The following PPP2R2B variants were observed in gnomAD, a reference collection of about 807,000 sequenced individuals.
PPP2R2B encodes the protein protein phosphatase 2 regulatory subunit Bbeta, also known as serine/threonine-protein phosphatase 2A 55 kDa regulatory subunit B beta isoform.
Under a neutral mutation model 46.0 loss-of-function variants are expected in PPP2R2B, and 5 were observed. That is an observed-to-expected ratio of 0.11 (90% CI 0.06 to 0.23). The LOEUF is 0.23. PPP2R2B is among the 10% of genes least tolerant of loss of function. The pLI, the probability that PPP2R2B is intolerant of heterozygous loss-of-function variation, is 1.00. For missense variants in PPP2R2B, 367 were observed against 575.0 expected, an observed-to-expected ratio of 0.64 and a Z score of 3.70; for synonymous variants, 215 against 206.7, an observed-to-expected ratio of 1.04 and a Z score of -0.34.
chr5:146,828,014 AGAG>A (rs1480649499), intron 2 of PPP2R2B, among the ~76,000 whole-genome samples: 1 of 151,946 alleles, frequency 6.6e-6, no homozygotes. Flanking sequence ...AGAGAGAGAG[AGAG>A]AGAGAGACAG....
At chr5:146,906,657 T>C (rs927984995) in intron 1 of PPP2R2B, among the ~76,000 whole-genome samples, 2 of 152,214 alleles carry the variant, frequency 1.3e-5, no homozygotes, top group Non-Finnish European at 2.9e-5. Flanking sequence ...ATAATGATTA[T>C]GCATCATCAT....
intron 6 of PPP2R2B, among the ~76,000 whole-genome samples, chr5:146,639,337 T>C (rs796122825): frequency 3.4e-4 from 52 of 152,334 alleles, no homozygotes; most frequent in African/African-American, 1.2e-3. Flanking sequence ...GGTTTTTTTT[T>C]CTCAGTATTT....
intron 2 of PPP2R2B, among the ~76,000 whole-genome samples, chr5:146,733,279 C>G (rs1752337888): frequency 6.6e-6 from 1 of 152,112 alleles, no homozygotes; most frequent in Admixed American, 6.5e-5. Flanking sequence ...GGTCAAAAAA[C>G]AGTGGCAGTA....
intron 2 of PPP2R2B, among the ~76,000 whole-genome samples, chr5:146,773,851 A>C (rs1452518994): frequency 1.3e-5 from 2 of 152,154 alleles, no homozygotes; most frequent in Non-Finnish European, 2.9e-5. Context: ...TTATTTATAT[A>C]ATTAATCTGT....
At chr5:146,840,698 CAAAAAT>C (rs1237531218) in intron 2 of PPP2R2B, among the ~76,000 whole-genome samples, 1 of 152,120 alleles carries the variant, frequency 6.6e-6, no homozygotes, top group Non-Finnish European at 1.5e-5. Context: ...TTATACAAAA[CAAAAAT>C]AAACTGCTTT....
chr5:146,722,404 A>C (rs1022861720), intron 2 of PPP2R2B, among the ~76,000 whole-genome samples: 1 of 152,198 alleles, frequency 6.6e-6, no homozygotes, highest in Non-Finnish European at 1.5e-5. Context: ...CTTTCTGCTT[A>C]CTGAGTTATC....
chr5:146,955,204 A>G (rs1751831988), intron 1 of PPP2R2B, among the ~76,000 whole-genome samples: 1 of 152,224 alleles, frequency 6.6e-6, no homozygotes, highest in Non-Finnish European at 1.5e-5. Flanking sequence ...AATCAGAATA[A>G]TTAAAAGCCC....
At chr5:146,928,584 C>T (rs1361756763) in intron 1 of PPP2R2B, among the ~76,000 whole-genome samples, 1 of 152,130 alleles carries the variant, frequency 6.6e-6, no homozygotes, top group African/African-American at 2.4e-5. Context: ...GTCACTGCTA[C>T]CATCCTAGTC....
At chr5:146,900,160 C>T (rs1305500208) in intron 1 of PPP2R2B, among the ~76,000 whole-genome samples, 1 of 152,136 alleles carries the variant, frequency 6.6e-6, no homozygotes, top group Admixed American at 6.5e-5. Flanking sequence ...TATTAACACT[C>T]CTTTAAAGGA....
At chr5:146,928,488 A>T (rs1189078547) in intron 1 of PPP2R2B, among the ~76,000 whole-genome samples, 1 of 152,014 alleles carries the variant, frequency 6.6e-6, no homozygotes, top group Non-Finnish European at 1.5e-5. Flanking sequence ...GTTATTCTTA[A>T]TTCTCTTCAT....
chr5:146,691,470 G>A (rs1259180771), intron 4 of PPP2R2B, among the ~76,000 whole-genome samples: 1 of 151,996 alleles, frequency 6.6e-6, no homozygotes. Context: ...CCTGATAATG[G>A]GCTCTTAAAT....
intron 2 of PPP2R2B, among the ~76,000 whole-genome samples, chr5:146,721,670 T>C (rs1481542601): frequency 6.6e-6 from 1 of 152,242 alleles, no homozygotes; most frequent in Non-Finnish European, 1.5e-5. Context: ...CTTCCTTCTA[T>C]GTGGAAGCTC....
chr5:147,066,254 GGAGT>G (rs1296653246), intron 2 of PPP2R2B, among the ~76,000 whole-genome samples: 2 of 152,144 alleles, frequency 1.3e-5, no homozygotes, highest in African/African-American at 2.4e-5. Flanking sequence ...GAGGGCCCAT[GGAGT>G]GAGTAAGTTA....
intron 1 of PPP2R2B, among the ~76,000 whole-genome samples, chr5:147,015,131 G>A (rs1362041501): frequency 6.6e-6 from 1 of 152,020 alleles, no homozygotes; most frequent in African/African-American, 2.4e-5. Flanking sequence ...GTTCACCGAT[G>A]TTTCCTAGTA....
intron 6 of PPP2R2B, among the ~76,000 whole-genome samples, chr5:146,640,836 G>A (rs982280846): frequency 3.3e-5 from 5 of 152,196 alleles, no homozygotes; most frequent in African/African-American, 1.2e-4. Flanking sequence ...GGATGCCAGT[G>A]GGGCTGTGCC....
chr5:146,739,946 T>C (rs1227608209), intron 2 of PPP2R2B, among the ~76,000 whole-genome samples: 5 of 152,224 alleles, frequency 3.3e-5, no homozygotes, highest in Non-Finnish European at 7.3e-5. Flanking sequence ...TTAACCTAGA[T>C]TCCTTGGACC....
intron 7 of PPP2R2B, among the ~76,000 whole-genome samples, chr5:146,623,056 A>G (rs1001972072): frequency 5.3e-5 from 8 of 152,212 alleles, no homozygotes; most frequent in Admixed American, 3.3e-4. Context: ...GTATCCATGA[A>G]ATGTCAGGGA....
chr5:146,902,954 C>A (rs780214862), intron 1 of PPP2R2B, among the ~76,000 whole-genome samples: 7 of 152,126 alleles, frequency 4.6e-5, no homozygotes, highest in Non-Finnish European at 1.0e-4. Context: ...TTTCATAATA[C>A]GAAGATGTTA....
intron 2 of PPP2R2B, among the ~76,000 whole-genome samples, chr5:146,799,590 C>T (rs776455007): frequency 1.3e-5 from 2 of 151,962 alleles, no homozygotes; most frequent in Admixed American, 6.6e-5. Context: ...GTGCTGCAAC[C>T]CAAAAGAACA....
Sources: allele counts gnomAD v4.1 joint callset (sites outside exome capture counted in the v4.1 genomes callset), GRCh38; gene constraint gnomAD v4.1.1; transcripts MANE v1.5; gene names NCBI Gene and HGNC (gene_info 2026-07-23, HGNC 2026-07-21).